The following ITGAD variants were observed in gnomAD, a reference collection of about 807,000 sequenced individuals.
The protein encoded by ITGAD is integrin alpha-D.
ITGAD carries 105 observed loss-of-function variants against 139.0 expected under a neutral mutation model. The observed-to-expected ratio is 0.76, with a 90% confidence interval of 0.65 to 0.89. ITGAD has a LOEUF of 0.89. Ranked by LOEUF, ITGAD falls within the 40% of genes least tolerant of loss-of-function variation. The pLI is 0.00. For missense variants in ITGAD, 1,384 were observed against 1,487.3 expected (o/e 0.93, Z 1.14); for synonymous variants, 569 against 598.3 (o/e 0.95, Z 0.71).
rs1567354820 is a variant in ITGAD at position 31,423,183 on chromosome 16, T to C, written c.2850T>C (p.His950=). 3.7e-6 allele frequency: 6 copies of C among 1,613,780 alleles called. No individual in the cohort carries two copies. Among genetic ancestry groups the C allele is most frequent in the Non-Finnish European group, 5.1e-6 (6 of 1,179,792 alleles). ...AGAAGAAAATGAAAGAGGCTGAGCA[T>C]CGATACCGTGTGAGAGTCTAGGGAG... is the stretch of plus-strand genomic sequence containing the variant. The part of the protein sequence containing the change: ...SDEKKMKEAE[H]RYRVNNLSQR... Residue 950 remains histidine (H), a synonymous_variant, in exon 24 of 30, where the codon CAT becomes CAC. Coordinates refer to ENST00000389202, the MANE Select transcript of ITGAD (RefSeq NM_005353.3).
At position 31,423,913 on chromosome 16, in the gene ITGAD, G is replaced by A. The variant is rs373900179; in HGVS notation, c.3114G>A (p.Leu1038=). The A allele has an allele frequency of 6.1e-4, 982 of 1,614,216 alleles. No individual in the cohort carries two copies. Among genetic ancestry groups the A allele is most frequent in the Non-Finnish European group, 7.3e-4 (865 of 1,180,042 alleles). ...CCTCCTTCAGCGTCCAGGAGGAGCT[G>A]GATTTCACCCTGAAGGGCAATCTCA... ...DVPSFSVQEE[L]DFTLKGNLSF... The change falls in exon 27 of 30, where the codon CTG becomes CTA. Residue 1038 remains leucine (L), a synonymous_variant. Coordinates refer to ENST00000389202, the MANE Select transcript of ITGAD (RefSeq NM_005353.3).
At chr16:31,412,157 G>A (rs144951407) in intron 14 of ITGAD, among the ~76,000 whole-genome samples, 3 of 150,728 alleles carry the variant, frequency 2.0e-5, no homozygotes, top group Non-Finnish European at 3.0e-5. Context: ...GCAACCTCCC[G>A]AGTAGCCTCC....
At position 31,393,396 on chromosome 16, in the gene ITGAD, G is replaced by C; in HGVS notation, c.31+5G>C. On this transcript the variant is annotated splice_donor_5th_base_variant and intron_variant, in intron 1 of 29. Coordinates refer to ENST00000389202, the MANE Select transcript of ITGAD (RefSeq NM_005353.3). ...GCACTGTGCTTCTTCTGAGTGGTAAGTGGGGCCAGGGTGCTGGGGAGAAGC... is the reference window on the plus strand; with the variant it reads ...GCACTGTGCTTCTTCTGAGTGGTAACTGGGGCCAGGGTGCTGGGGAGAAGC... The C allele has an allele frequency of 6.2e-7, 1 of 1,614,082 alleles. No individual in the cohort carries two copies. The highest frequency in any genetic ancestry group is 8.5e-7 in the Non-Finnish European group (1 of 1,180,022).
chr16:31,405,642 T>A (rs1436806469), intron 7 of ITGAD, among the ~76,000 whole-genome samples: 1 of 43,712 alleles, frequency 2.3e-5, no homozygotes, highest in Non-Finnish European at 4.3e-5. Context: ...TTGTTTTCCT[T>A]TTTTTTTTTT....
rs114813359 is a variant in ITGAD, at chr16:31,416,177, T to C, written c.2284-36T>C. On this transcript the variant is annotated intron_variant, in intron 18 of 29. Transcript: ENST00000389202. ...GGAGGGGCTTGGAGAAAGACTAAGA[T>C]GTCAGATGGGAACAGAATATACTAT... The C allele has an allele frequency of 1.6e-3, 2,470 of 1,527,488 alleles. 30 individuals carry two copies. The African/African-American group carries it at 0.031, about 19-fold the overall frequency. The allele number at this position is 1,527,488 out of a possible 1,614,324, so 94.6% of individuals were successfully genotyped here. A position where few individuals can be genotyped will look rare whatever the true frequency, so the allele number is the denominator to read the frequency against.
rs1341945097 is a variant in ITGAD at position 31,418,077 on chromosome 16, G to T, written c.2502G>T (p.Lys834Asn). 1.2e-6 allele frequency: 2 copies of T among 1,613,692 alleles called. No individual in the cohort carries two copies. Among genetic ancestry groups the T allele is most frequent in the Admixed American group, 1.7e-5 (1 of 59,988 alleles). Residue 834 changes from lysine to asparagine, a missense_variant and splice_region_variant, in exon 21 of 30, where the codon AAG becomes AAT. Physicochemically the swap from Lys to Asn is moderately conservative, Grantham distance 94. Transcript: ENST00000389202. Reference sequence around the variant, plus strand: ...TAAAATTCATTCTCCTCCCCTAGAAGCAGCCCCATCAGAGTGCCCTGCGCC... The same window carrying T: ...TAAAATTCATTCTCCTCCCCTAGAATCAGCCCCATCAGAGTGCCCTGCGCC... Reference protein sequence around the residue: ...LSHRRVSGAQKQPHQSALRLA... With the variant: ...LSHRRVSGAQNQPHQSALRLA...
chr16:31,401,029 T>C (rs1213144309), intron 5 of ITGAD, among the ~76,000 whole-genome samples: 1 of 151,970 alleles, frequency 6.6e-6, no homozygotes, highest in Non-Finnish European at 1.5e-5. Context: ...GAGGCCGAGG[T>C]GAGTGGATCG....
intron 5 of ITGAD, 47 bp from the exon 6 acceptor site, chr16:31,402,068 G>T (rs755999335): frequency 1.3e-6 from 2 of 1,594,322 alleles, no homozygotes; most frequent in East Asian, 2.3e-5. Flanking sequence ...GCAGGAGGGG[G>T]TTGGGCCCCC....
Position 31,407,793 on chromosome 16 carries a change from G to A in ITGAD, c.886G>A (p.Ala296Thr). 1 of 1,613,984 alleles carries A rather than the reference G, an allele frequency of 6.2e-7. No homozygotes were observed. Among genetic ancestry groups the A allele is most frequent in the East Asian group, 2.2e-5 (1 of 44,874 alleles). The change falls in exon 9 of 30, where the codon GCC becomes ACC. Residue 296 changes from alanine to threonine, a missense_variant. Physicochemically the swap from Ala to Thr is moderately conservative, Grantham distance 58. Coordinates refer to ENST00000389202, the MANE Select transcript of ITGAD (RefSeq NM_005353.3). ...GGGACACGCTTTCCAGGGACCCACT[G>A]CCAGGCAGGAGCTGAATACCATCAG... ...GVGHAFQGPT[A>T]RQELNTISSA...
rs1469143885 is a variant in ITGAD at position 31,397,838 on chromosome 16, A to G, written c.356A>G (p.Tyr119Cys). 2 of 1,613,590 alleles carry G rather than the reference A, an allele frequency of 1.2e-6. No individual in the cohort carries two copies. The highest frequency in any genetic ancestry group is 2.7e-5 in the African/African-American group (2 of 74,962). ...CACAGAGTCTGTGGGGAGAACTCAT[A>G]CTCAAAGGGTTCCTGCCTCCTGCTG... ...TLHRVCGENS[Y>C]SKGSCLLLGS... is the part of the protein sequence containing the mutation. Residue 119 changes from tyrosine (Y) to cysteine (C), a missense_variant, in exon 5 of 30, where the codon TAC becomes TGC. Transcript: ENST00000389202.
Position 31,416,728 on chromosome 16 carries a change from T to C in ITGAD, c.2499+82T>C, listed in dbSNP as rs1052199249. The C allele has an allele frequency of 2.1e-6, 3 of 1,420,114 alleles. No individual in the cohort carries two copies. The African/African-American group carries it at 4.2e-5, about 20-fold the overall frequency. The allele number at this position is 1,420,114 out of a possible 1,614,324, so 88.0% of individuals were successfully genotyped here. On this transcript the variant is annotated intron_variant, in intron 20 of 29. Coordinates refer to ENST00000389202, the MANE Select transcript of ITGAD (RefSeq NM_005353.3). Reference sequence around the variant, plus strand: ...GGGAGTTACACAGTGTTCTTCAAAATTGTTCTGTGATGATATGTGCTCTCT... The same window carrying C: ...GGGAGTTACACAGTGTTCTTCAAAACTGTTCTGTGATGATATGTGCTCTCT...
intron 5 of ITGAD, among the ~76,000 whole-genome samples, chr16:31,401,087 C>T (rs182454425): frequency 5.3e-5 from 8 of 152,104 alleles, no homozygotes; most frequent in Admixed American, 4.6e-4. Flanking sequence ...GGCGAAACTC[C>T]GTCTCTACAA....
Position 31,408,549 on chromosome 16 carries a change from C to T in ITGAD, c.1083+51C>T, listed in dbSNP as rs770328505. 3.3e-6 allele frequency: 5 copies of T among 1,522,680 alleles called. No homozygotes were observed. In the Admixed American group the frequency reaches 8.5e-5, roughly 26 times the overall value. The allele number at this position is 1,522,680 out of a possible 1,614,324, so 94.3% of individuals were successfully genotyped here. The stretch of plus-strand genomic sequence containing the variant: ...TAGCTCTTGGATACCAACTCTGCAC[C>T]CACCCTGGGCTGGGGGCTGGGAGCC... On this transcript the variant is annotated intron_variant, in intron 10 of 29. Transcript: ENST00000389202.
intron 7 of ITGAD, among the ~76,000 whole-genome samples, chr16:31,405,575 A>T (rs1427752700): frequency 1.3e-5 from 2 of 151,774 alleles, no homozygotes; most frequent in Non-Finnish European, 2.9e-5. Context: ...CATTCAGGGC[A>T]GAAGCTATTT....
intron 9 of ITGAD, 87 bp from the exon 10 acceptor site, chr16:31,408,338 A>G: frequency 8.6e-7 from 1 of 1,168,034 alleles, no homozygotes; most frequent in Non-Finnish European, 1.3e-6. Flanking sequence ...CTGGAACCCA[A>G]GCCTCAGATC....
rs370572657 is a variant in ITGAD at position 31,397,561 on chromosome 16, G to C, written c.242-35G>C. 2.0e-5 allele frequency: 32 copies of C among 1,604,512 alleles called. No individual in the cohort carries two copies. The Admixed American group carries it at 3.0e-4, about 15-fold the overall frequency. On this transcript the variant is annotated intron_variant, in intron 3 of 29. Transcript: ENST00000389202. Reference sequence around the variant, plus strand: ...AGACCTTCCCCGCAAATGAGTGTGTGCTGTGAGTGAGACCCCGCGTGTCTG... The same window carrying C: ...AGACCTTCCCCGCAAATGAGTGTGTCCTGTGAGTGAGACCCCGCGTGTCTG...
chr16:31,423,472 C>T lies in ITGAD; in HGVS notation c.2967+13C>T. The stretch of plus-strand genomic sequence containing the variant: ...GGCCCCATCTCAGGTACCCGCCTAT[C>T]TCTCCTCTTTCTTCAGACTGACATC... On this transcript the variant is annotated intron_variant, in intron 25 of 29. Transcript: ENST00000389202. 1 of 1,610,780 alleles carries T rather than the reference C, an allele frequency of 6.2e-7. No homozygotes were observed. The highest frequency in any genetic ancestry group is 8.5e-7 in the Non-Finnish European group (1 of 1,176,918).
chr16:31,424,669 C>G (rs1377075053), intron 29 of ITGAD, 92 bp downstream of exon 29: 2 of 770,562 alleles, frequency 2.6e-6, no homozygotes, highest in Non-Finnish European at 4.1e-6. Context: ...ATGATCTTGG[C>G]TCACTGCAAC....
Position 31,411,344 on chromosome 16 carries a change from G to A in ITGAD, c.1534G>A (p.Glu512Lys), listed in dbSNP as rs143276012. Residue 512 changes from glutamate to lysine, a missense_variant, in exon 14 of 30, where the codon GAG becomes AAG. Glu to Lys is a moderately conservative substitution (Grantham distance 56). Transcript: ENST00000389202. ...GCAGTGTGACGCTGTTCTCCGTGGT[G>A]AGCAGGGCCACCCCTGGGGCCGCTT... is the stretch of plus-strand genomic sequence containing the variant. ...QWQCDAVLRGEQGHPWGRFGA... is the reference protein window; with the variant it reads ...QWQCDAVLRGKQGHPWGRFGA... The A allele has an allele frequency of 4.3e-6, 7 of 1,613,964 alleles. No individual in the cohort carries two copies. Among genetic ancestry groups the A allele is most frequent in the Non-Finnish European group, 5.1e-6 (6 of 1,179,918 alleles).
Sources: gnomAD v4.1 joint callset for allele counts (sites outside exome capture counted in the v4.1 genomes callset) on GRCh38, gnomAD v4.1.1 for gene constraint, MANE v1.5 for transcripts, NCBI Gene and HGNC (gene_info 2026-07-23, HGNC 2026-07-21) for gene names.